Variants in ITPR2 observed in about 807,000 individuals in gnomAD.
The protein encoded by ITPR2 is inositol 1,4,5-trisphosphate receptor type 2, also known as inositol 1,4,5-trisphosphate-gated calcium channel ITPR2.
Under a neutral mutation model 317.1 loss-of-function variants are expected in ITPR2, and 207 were observed. The ratio of observed to expected loss-of-function variants is 0.65; its 90% CI spans 0.58 to 0.73. ITPR2 has a LOEUF of 0.73. Among genes scored for constraint, ITPR2 ranks in the 30% least tolerant of loss-of-function variants. The pLI, the probability that ITPR2 is intolerant of heterozygous loss-of-function variation, is 0.00. For missense variants in ITPR2, 2,613 were observed against 3,284.0 expected (o/e 0.80, Z 4.99); for synonymous variants, 1,156 against 1,149.1 (o/e 1.01, Z -0.12).
Position 26,670,335 on chromosome 12 carries a change from A to G in ITPR2, c.1410-4284T>C, listed in dbSNP as rs191309336. On this transcript the variant is annotated intron_variant, in intron 13 of 56. Coordinates refer to ENST00000381340, the MANE Select transcript of ITPR2 (RefSeq NM_002223.4). ...AGACTGACACTTCACACGGCCGGGT[A>G]CTCCTCTGAGACAAAACTTCCAGAG... 3.8e-3 allele frequency among the ~76,000 whole-genome samples: 576 copies of G among 152,202 alleles called. 3 individuals carry two copies. The highest frequency in any genetic ancestry group is 6.6e-3 in the Non-Finnish European group (450 of 68,016).
At chr12:26,787,239 C>G (rs767599793) in intron 2 of ITPR2, among the ~76,000 whole-genome samples, 1 of 152,160 alleles carries the variant, frequency 6.6e-6, no homozygotes, top group Non-Finnish European at 1.5e-5. Flanking sequence ...TAAGACAGAA[C>G]CCTGAGTTCC....
chr12:26,586,338 A>G (rs760306099), intron 32 of ITPR2, among the ~76,000 whole-genome samples: 8 of 151,662 alleles, frequency 5.3e-5, no homozygotes, highest in Non-Finnish European at 1.0e-4. Context: ...GGCTCCCTCT[A>G]TGTTGCCCAG....
chr12:26,488,879 G>A (rs1460365958), intron 39 of ITPR2, among the ~76,000 whole-genome samples: 1 of 152,114 alleles, frequency 6.6e-6, no homozygotes, highest in Non-Finnish European at 1.5e-5. Flanking sequence ...ACAGTGTGAT[G>A]AATAGAGTGC....
At chr12:26,666,956 G>A (rs1437268881) in intron 13 of ITPR2, among the ~76,000 whole-genome samples, 4 of 152,140 alleles carry the variant, frequency 2.6e-5, no homozygotes, top group African/African-American at 7.2e-5. Flanking sequence ...TGTATTGGAA[G>A]GGTCAAGGCA....
At chr12:26,779,207 G>A (rs1249403889) in intron 2 of ITPR2, among the ~76,000 whole-genome samples, 1 of 152,164 alleles carries the variant, frequency 6.6e-6, no homozygotes, top group African/African-American at 2.4e-5. Context: ...GAATCACAGT[G>A]GAGGCCTCTA....
At chr12:26,760,698 G>A (rs943901512) in intron 2 of ITPR2, among the ~76,000 whole-genome samples, 1 of 152,166 alleles carries the variant, frequency 6.6e-6, no homozygotes, top group Non-Finnish European at 1.5e-5. Flanking sequence ...ATTATTATCT[G>A]TGTTCTGTGG....
intron 19 of ITPR2, 72 bp from the exon 20 acceptor site, chr12:26,655,924 G>A: frequency 1.4e-6 from 2 of 1,387,992 alleles, no homozygotes; most frequent in Non-Finnish European, 2.0e-6. Context: ...AACACACGTA[G>A]TTTCCTGGGT....
chr12:26,832,263 TG>T (rs1951124181), intron 1 of ITPR2, among the ~76,000 whole-genome samples: 1 of 152,216 alleles, frequency 6.6e-6, no homozygotes, highest in African/African-American at 2.4e-5. Context: ...TTTTATCGAC[TG>T]CTCTTTCAAA....
chr12:26,342,972 G>A (rs182798620), intron 55 of ITPR2, among the ~76,000 whole-genome samples: 11 of 152,022 alleles, frequency 7.2e-5, no homozygotes, highest in East Asian at 1.9e-4. Context: ...ATGAGAGTGC[G>A]ATGTTATAAG....
intron 34 of ITPR2, among the ~76,000 whole-genome samples, chr12:26,572,633 A>G (rs1201435485): frequency 6.6e-6 from 1 of 152,204 alleles, no homozygotes; most frequent in East Asian, 1.9e-4. Context: ...AGTTAGCTCA[A>G]TTAAAGTGAT....
chr12:26,603,109 A>G (rs938514461), intron 26 of ITPR2, among the ~76,000 whole-genome samples: 2 of 152,182 alleles, frequency 1.3e-5, no homozygotes, highest in Non-Finnish European at 2.9e-5. Context: ...CTGCAAGAAA[A>G]AAAGAGTGAT....
intron 2 of ITPR2, among the ~76,000 whole-genome samples, chr12:26,735,756 T>G (rs1474249464): frequency 6.6e-6 from 1 of 152,208 alleles, no homozygotes; most frequent in African/African-American, 2.4e-5. Flanking sequence ...TATCCTGTGG[T>G]CAAGAGGAAA....
In ITPR2 at chr12:26,389,488, C is replaced by CT. The variant is rs200480528; in HGVS notation, c.7697-1895dup. On this transcript the variant is annotated intron_variant, in intron 54 of 56. Coordinates refer to ENST00000381340, the MANE Select transcript of ITPR2 (RefSeq NM_002223.4). ...CCATGCAACCACACTGGCCTCTTTG[C>CT]TTTTTTTTTTTTTTGGAACACAGGG... is the stretch of plus-strand genomic sequence containing the variant. Among the ~76,000 whole-genome samples, 407 of 145,220 alleles carry CT rather than the reference C, an allele frequency of 2.8e-3. 6 individuals are homozygous for CT. The highest frequency in any genetic ancestry group is 8.6e-3 in the East Asian group (43 of 4,994).
chr12:26,381,701 C>T (rs756842901), intron 55 of ITPR2, among the ~76,000 whole-genome samples: 9 of 152,114 alleles, frequency 5.9e-5, no homozygotes, highest in Admixed American at 5.9e-4. Context: ...AATAAATAGA[C>T]GAGTTTGCAA....
chr12:26,484,637 A>G (rs1369139752), intron 41 of ITPR2, among the ~76,000 whole-genome samples: 1 of 152,226 alleles, frequency 6.6e-6, no homozygotes, highest in Non-Finnish European at 1.5e-5. Context: ...ACCAATAAAC[A>G]TAACCTGGCA....
At chr12:26,423,472 T>C (rs1940955024) in intron 49 of ITPR2, among the ~76,000 whole-genome samples, 1 of 152,174 alleles carries the variant, frequency 6.6e-6, no homozygotes, top group African/African-American at 2.4e-5. Flanking sequence ...GAATTACACA[T>C]TTCCAGGTAC....
intron 23 of ITPR2, chr12:26,627,275 C>G (rs192028216): frequency 7.9e-5 from 12 of 152,196 alleles, no homozygotes; most frequent in Non-Finnish European, 1.8e-4. Flanking sequence ...AACTACATTT[C>G]GCACTGCTCT....
intron 45 of ITPR2, 37 bp downstream of exon 45, chr12:26,475,259 G>C: frequency 6.2e-7 from 1 of 1,610,844 alleles, no homozygotes; most frequent in Non-Finnish European, 8.5e-7. Context: ...CGATTGATAG[G>C]ATGAGCAAAA....
intron 45 of ITPR2, among the ~76,000 whole-genome samples, chr12:26,471,078 C>T (rs936841838): frequency 6.6e-6 from 1 of 152,156 alleles, no homozygotes; most frequent in African/African-American, 2.4e-5. Flanking sequence ...ATCAGAGTGA[C>T]CCATTCTCTC....
Sources: gnomAD v4.1 joint callset for allele counts (sites outside exome capture counted in the v4.1 genomes callset) on GRCh38, gnomAD v4.1.1 for gene constraint, MANE v1.5 for transcripts, NCBI Gene and HGNC (gene_info 2026-07-23, HGNC 2026-07-21) for gene names.